The following SNRK variants were observed in gnomAD, a reference collection of about 807,000 sequenced individuals.
SNRK encodes the protein SNF related kinase, also known as SNF-related serine/threonine-protein kinase.
A neutral mutation model predicts 48.2 loss-of-function variants in SNRK; 3 were observed. The observed-to-expected ratio is 0.06, with a 90% CI of 0.03 to 0.16. SNRK has a LOEUF of 0.16. SNRK is among the 10% of genes least tolerant of loss of function. SNRK has a pLI of 1.00. For missense variants in SNRK, 627 were observed against 976.0 expected (o/e 0.64, Z 4.76); for synonymous variants, 376 against 366.1 (o/e 1.03, Z -0.31).
chr3:43,303,769 A>G lies in SNRK; in HGVS notation c.566A>G (p.Asp189Gly), dbSNP rs1305345678. The change falls in exon 3 of 7, where the codon GAT (aspartate) becomes GGT (glycine). Residue 189 changes from aspartate to glycine, a missense_variant. Physicochemically the swap from Asp to Gly is moderately conservative, Grantham distance 94 (BLOSUM62 -1). Coordinates refer to ENST00000296088, the MANE Select transcript of SNRK (RefSeq NM_017719.5). This position sits in a 1 kb window ranked among gnomAD's most constrained non-coding sequence, Gnocchi z 6.2. ...TCCGCTCCAGAAATTCTGCTTGGTG[A>G]TGAGTATGATGCACCTGCAGTAGGT... The part of the protein sequence containing the change: ...AYSAPEILLG[D>G]EYDAPAVDIW... The G allele has an allele frequency of 6.2e-7, 1 of 1,613,236 alleles. No individual in the cohort carries two copies. The highest frequency in any genetic ancestry group is 8.5e-7 in the Non-Finnish European group (1 of 1,179,688).
At position 43,303,764 on chromosome 3, in the gene SNRK, T is replaced by C. The variant is rs773405661; in HGVS notation, c.561T>C (p.Leu187=). 28 of 1,613,494 alleles carry C rather than the reference T, an allele frequency of 1.7e-5. No homozygotes were observed. The South Asian group carries it at 3.1e-4, about 18-fold the overall frequency. ...SLAYSAPEIL[L]GDEYDAPAVD... Reference sequence around the variant, plus strand: ...CATATTCCGCTCCAGAAATTCTGCTTGGTGATGAGTATGATGCACCTGCAG... The same window carrying C: ...CATATTCCGCTCCAGAAATTCTGCTCGGTGATGAGTATGATGCACCTGCAG... The change falls in exon 3 of 7, where the codon CTT becomes CTC. Residue 187 remains leucine, a synonymous_variant. Transcript: ENST00000296088. The surrounding 1 kb of genome is among the most constrained non-coding windows in gnomAD (Gnocchi z 6.2).
intron 1 of SNRK, among the ~76,000 whole-genome samples, chr3:43,290,249 T>TA (rs1413006780): frequency 2.6e-5 from 4 of 152,196 alleles, no homozygotes; most frequent in East Asian, 1.9e-4. Context: ...GTGAAGAAGG[T>TA]AAAAAAATCT....
chr3:43,299,383 G>T (rs2090881612), intron 1 of SNRK, among the ~76,000 whole-genome samples: 1 of 151,990 alleles, frequency 6.6e-6, no homozygotes, highest in Non-Finnish European at 1.5e-5. Flanking sequence ...TCACCATATT[G>T]GTCAGGCAAG....
In SNRK at chr3:43,303,101, T is replaced by C. The variant is rs892888135; in HGVS notation, c.-103T>C. ...TGTTTCTCTTCTTATTTTGTAGATA[T>C]CCATGACGACATTGAAAATGAATTT... On this transcript the variant is annotated 5_prime_UTR_variant, in exon 3 of 7. Coordinates refer to ENST00000296088, the MANE Select transcript of SNRK (RefSeq NM_017719.5). The surrounding 1 kb of genome is among the most constrained non-coding windows in gnomAD (Gnocchi z 6.2). The C allele has an allele frequency of 5.4e-6, 4 of 746,836 alleles. No individual in the cohort carries two copies. Among genetic ancestry groups the C allele is most frequent in the East Asian group, 2.7e-5 (1 of 37,030 alleles). The allele number at this position is 746,836 out of a possible 1,614,324, so 46.3% of individuals were successfully genotyped here. A position where few individuals can be genotyped will look rare whatever the true frequency, so the allele number is the denominator to read the frequency against.
intron 3 of SNRK, among the ~76,000 whole-genome samples, chr3:43,315,897 C>T (rs2091010080): frequency 6.6e-6 from 1 of 152,196 alleles, no homozygotes; most frequent in South Asian, 2.1e-4. Flanking sequence ...AATGTTATCA[C>T]TTGTCATATA....
chr3:43,307,749 A>G (rs960515444), intron 3 of SNRK, among the ~76,000 whole-genome samples: 2 of 152,082 alleles, frequency 1.3e-5, no homozygotes, highest in African/African-American at 4.8e-5. Context: ...ATACAACAAT[A>G]TTGAAATTAG....
At position 43,303,351 on chromosome 3, in the gene SNRK, A is replaced by G; in HGVS notation, c.148A>G (p.Thr50Ala). 6.2e-7 allele frequency: 1 copy of G among 1,614,184 alleles called. No homozygotes were observed. Among genetic ancestry groups the G allele is most frequent in the South Asian group, 1.1e-5 (1 of 91,076 alleles). ...GGTGGCAGTAAAAGTTATTGACAAG[A>G]CAAAACTGGACACTCTAGCTACTGG... ...EKVAVKVIDKTKLDTLATGHL... is the reference protein window; with the variant it reads ...EKVAVKVIDKAKLDTLATGHL... The change falls in exon 3 of 7, where the codon ACA becomes GCA. Residue 50 changes from threonine (T) to alanine (A), a missense_variant. Physicochemically the swap from Thr to Ala is moderately conservative, Grantham distance 58. Coordinates refer to ENST00000296088, the MANE Select transcript of SNRK (RefSeq NM_017719.5). This position sits in a 1 kb window ranked among gnomAD's most constrained non-coding sequence, Gnocchi z 6.2.
intron 3 of SNRK, among the ~76,000 whole-genome samples, chr3:43,320,835 T>A (rs979428171): frequency 2.6e-5 from 4 of 152,148 alleles, no homozygotes; most frequent in Non-Finnish European, 5.9e-5. Context: ...TATATGAATT[T>A]TTGCTTTAGA....
intron 1 of SNRK, among the ~76,000 whole-genome samples, chr3:43,296,415 C>CATATATATATATATATATACATAT (rs371078181): frequency 1.6e-5 from 2 of 127,216 alleles, no homozygotes; most frequent in East Asian, 2.3e-4. Flanking sequence ...GATATACTGG[C>CATATATATATATATATATACATAT]ATATATATAT....
At chr3:43,320,263 C>T (rs2091043329) in intron 3 of SNRK, among the ~76,000 whole-genome samples, 1 of 152,120 alleles carries the variant, frequency 6.6e-6, no homozygotes, top group African/African-American at 2.4e-5. Flanking sequence ...TCATTGGGTA[C>T]AGTATTCTTT....
intron 1 of SNRK, among the ~76,000 whole-genome samples, chr3:43,291,183 G>A (rs2090809479): frequency 6.6e-6 from 1 of 152,174 alleles, no homozygotes; most frequent in Admixed American, 6.5e-5. Flanking sequence ...ATATATTGTT[G>A]TCTGAGTCAT....
intron 3 of SNRK, among the ~76,000 whole-genome samples, chr3:43,304,343 G>A (rs1052920121): frequency 5.9e-5 from 9 of 152,230 alleles, no homozygotes; most frequent in East Asian, 3.9e-4. Context: ...TTTTCACAGC[G>A]ACCCGTGGGG....
intron 3 of SNRK, among the ~76,000 whole-genome samples, chr3:43,326,778 G>GT (rs1470608486): frequency 6.6e-6 from 1 of 152,158 alleles, no homozygotes; most frequent in African/African-American, 2.4e-5. Context: ...GATAAGCTTA[G>GT]TTTTAGCAGC....
intron 1 of SNRK, among the ~76,000 whole-genome samples, chr3:43,287,540 CTG>C: frequency 6.6e-6 from 1 of 152,210 alleles, no homozygotes; most frequent in Non-Finnish European, 1.5e-5. Context: ...ACCTTTCAAA[CTG>C]TCATGTTACT....
At position 43,303,398 on chromosome 3, in the gene SNRK, A is replaced by G. The variant is rs1239281152; in HGVS notation, c.195A>G (p.Arg65=). 1 of 1,614,044 alleles carries G rather than the reference A, an allele frequency of 6.2e-7. No homozygotes were observed. Among genetic ancestry groups the G allele is most frequent in the Non-Finnish European group, 8.5e-7 (1 of 1,180,036 alleles). ...CTGGTCATCTTTTCCAGGAAGTGAG[A>G]TGCATGAAACTAGTGCAGCATCCTA... is the stretch of plus-strand genomic sequence containing the variant. ...LATGHLFQEV[R]CMKLVQHPNI... Residue 65 remains arginine (R), a synonymous_variant, in exon 3 of 7, where the codon AGA becomes AGG. Transcript: ENST00000296088. The surrounding 1 kb of genome is among the most constrained non-coding windows in gnomAD (Gnocchi z 6.2).
intron 4 of SNRK, among the ~76,000 whole-genome samples, chr3:43,337,602 C>T (rs370903889): frequency 4.0e-5 from 6 of 151,872 alleles, no homozygotes; most frequent in African/African-American, 1.5e-4. Flanking sequence ...GTGTATTAGT[C>T]CATTTCATAC....
intron 4 of SNRK, among the ~76,000 whole-genome samples, chr3:43,339,509 A>G (rs546828376): frequency 6.3e-4 from 96 of 152,200 alleles, no homozygotes; most frequent in Non-Finnish European, 1.2e-3. Flanking sequence ...CTTTAAATAA[A>G]ATAGTTTCCT....
intron 3 of SNRK, among the ~76,000 whole-genome samples, chr3:43,324,389 G>A (rs947106027): frequency 6.6e-6 from 1 of 152,032 alleles, no homozygotes; most frequent in African/African-American, 2.4e-5. Context: ...CATGCCTGTG[G>A]TTCCGGCTAC....
intron 6 of SNRK, among the ~76,000 whole-genome samples, chr3:43,344,166 A>G (rs76163722): frequency 0.022 from 3,341 of 152,232 alleles, 129 homozygotes; most frequent in African/African-American, 0.077. Flanking sequence ...CAATAAAGTC[A>G]TGAACGTGCT....
Sources: gnomAD v4.1 joint callset for allele counts (sites outside exome capture counted in the v4.1 genomes callset) on GRCh38, gnomAD v4.1.1 for gene constraint, Gnocchi (gnomAD v3.1) non-coding constraint, MANE v1.5 for transcripts, NCBI Gene and HGNC (gene_info 2026-07-23, HGNC 2026-07-21) for gene names.